The following LRRC4C variants were observed in gnomAD, a reference collection of about 807,000 sequenced individuals.
The protein encoded by LRRC4C is leucine rich repeat containing 4C.
In LRRC4C, 5 loss-of-function variants were observed where a neutral mutation model predicts 33.6. That is an observed-to-expected ratio of 0.15 (90% confidence interval 0.08 to 0.31). LRRC4C has a LOEUF of 0.31. Ranked by LOEUF, LRRC4C falls within the 10% of genes least tolerant of loss-of-function variation. LRRC4C has a pLI of 1.00. For missense variants in LRRC4C, 560 were observed against 796.7 expected (o/e 0.70, Z 3.58); for synonymous variants, 329 against 302.0 (o/e 1.09, Z -0.93).
intron 2 of LRRC4C, among the ~76,000 whole-genome samples, chr11:40,863,734 T>C (rs528640793): frequency 2.0e-4 from 30 of 152,344 alleles, no homozygotes; most frequent in African/African-American, 7.0e-4. Flanking sequence ...ATGGAAATCC[T>C]TCTTGTTGCT....
intron 2 of LRRC4C, among the ~76,000 whole-genome samples, chr11:40,927,544 C>T (rs1404749313): frequency 6.6e-6 from 1 of 152,056 alleles, no homozygotes; most frequent in Non-Finnish European, 1.5e-5. Context: ...TAAAGAATAG[C>T]TATGTGTTTC....
At chr11:41,380,625 CT>C (rs1953107938) in intron 1 of LRRC4C, among the ~76,000 whole-genome samples, 1 of 151,980 alleles carries the variant, frequency 6.6e-6, no homozygotes, top group African/African-American at 2.4e-5. Flanking sequence ...TATGGATAAG[CT>C]GGTAGAAAGG....
intron 3 of LRRC4C, among the ~76,000 whole-genome samples, chr11:40,582,736 C>T (rs532338579): frequency 6.6e-6 from 1 of 151,988 alleles, no homozygotes; most frequent in South Asian, 2.1e-4. Flanking sequence ...AGGTGGGTCT[C>T]GAACTCCTAA....
At chr11:40,807,491 CTTG>C (rs1385532483) in intron 2 of LRRC4C, among the ~76,000 whole-genome samples, 2 of 145,670 alleles carry the variant, frequency 1.4e-5, no homozygotes, top group African/African-American at 5.4e-5. Context: ...CAACATTGAC[CTTG>C]TTGTGTAAAG....
intron 3 of LRRC4C, among the ~76,000 whole-genome samples, chr11:40,448,243 C>T (rs550202992): frequency 8.3e-4 from 126 of 152,062 alleles, no homozygotes; most frequent in Middle Eastern, 3.4e-3. Context: ...TACTCTTCCT[C>T]ATTACCTTTT....
intron 5 of LRRC4C, among the ~76,000 whole-genome samples, chr11:40,202,940 C>T (rs140573992): frequency 2.2e-3 from 338 of 152,330 alleles, no homozygotes; most frequent in African/African-American, 7.8e-3. Context: ...TTGCAAGTCA[C>T]TTCAAATATT....
intron 3 of LRRC4C, among the ~76,000 whole-genome samples, chr11:40,341,988 G>T (rs1254648674): frequency 2.3e-5 from 3 of 130,814 alleles, no homozygotes; most frequent in East Asian, 2.7e-4. Context: ...TATGTTACTG[G>T]CACTTTTCTC....
At chr11:41,327,069 G>A (rs11036359) in intron 1 of LRRC4C, among the ~76,000 whole-genome samples, 27,283 of 152,146 alleles carry the variant, frequency 0.18, 2,858 homozygotes, top group East Asian at 0.45. Context: ...TGGAGGCTGA[G>A]ATACAGGAGA....
intron 1 of LRRC4C, among the ~76,000 whole-genome samples, chr11:40,966,011 T>C (rs913871520): frequency 2.0e-5 from 3 of 152,144 alleles, no homozygotes; most frequent in Admixed American, 6.6e-5. Context: ...GCATGGAATG[T>C]TCTTCCATTT....
chr11:40,388,253 T>C (rs1272487586), intron 3 of LRRC4C, among the ~76,000 whole-genome samples: 1 of 152,156 alleles, frequency 6.6e-6, no homozygotes, highest in Non-Finnish European at 1.5e-5. Context: ...CTTGCTTCAA[T>C]GGTAATTCCT....
At chr11:41,125,188 A>T (rs914100205) in intron 1 of LRRC4C, among the ~76,000 whole-genome samples, 1 of 152,186 alleles carries the variant, frequency 6.6e-6, no homozygotes, top group African/African-American at 2.4e-5. Flanking sequence ...GGCCATTAGG[A>T]TCTGAAGTGA....
intron 3 of LRRC4C, among the ~76,000 whole-genome samples, chr11:40,495,824 T>TG (rs1954413995): frequency 2.4e-5 from 1 of 41,866 alleles, no homozygotes; most frequent in Non-Finnish European, 4.7e-5. Context: ...TTTTTTTTTT[T>TG]TTTTTTTTTT....
At chr11:41,216,670 A>G (rs978677933) in intron 1 of LRRC4C, among the ~76,000 whole-genome samples, 1 of 152,170 alleles carries the variant, frequency 6.6e-6, no homozygotes, top group South Asian at 2.1e-4. Context: ...AATGTTAATT[A>G]TGGAGTGCTG....
intron 3 of LRRC4C, among the ~76,000 whole-genome samples, chr11:40,574,107 T>G (rs1958087655): frequency 6.6e-6 from 1 of 152,216 alleles, no homozygotes; most frequent in Admixed American, 6.5e-5. Context: ...TTTTTACACC[T>G]GAATGTGTTG....
At chr11:40,441,924 A>G (rs548715916) in intron 3 of LRRC4C, among the ~76,000 whole-genome samples, 1 of 152,284 alleles carries the variant, frequency 6.6e-6, no homozygotes, top group Admixed American at 6.5e-5. Context: ...GCACTTTGGG[A>G]GGCCGAGGCG....
intron 1 of LRRC4C, among the ~76,000 whole-genome samples, chr11:40,971,468 G>A (rs530038586): frequency 1.3e-5 from 2 of 152,294 alleles, no homozygotes; most frequent in East Asian, 1.9e-4. Flanking sequence ...TTAAGACTTG[G>A]GAGCCCCCAT....
chr11:41,156,229 G>A (rs981128599), intron 1 of LRRC4C, among the ~76,000 whole-genome samples: 2 of 152,016 alleles, frequency 1.3e-5, no homozygotes, highest in African/African-American at 4.8e-5. Flanking sequence ...TTATTACACT[G>A]AAAGACAACA....
chr11:41,105,394 G>T (rs112807251), intron 1 of LRRC4C, among the ~76,000 whole-genome samples: 7 of 151,830 alleles, frequency 4.6e-5, no homozygotes, highest in African/African-American at 7.3e-5. Context: ...ACATCACTAC[G>T]CACATAATCT....
chr11:40,851,916 C>T (rs1953522349), intron 2 of LRRC4C, among the ~76,000 whole-genome samples: 1 of 152,172 alleles, frequency 6.6e-6, no homozygotes. Flanking sequence ...AGTTTTTAAT[C>T]AGTATTTTCT....
Sources: allele counts gnomAD v4.1 joint callset (sites outside exome capture counted in the v4.1 genomes callset), GRCh38; gene constraint gnomAD v4.1.1; transcripts MANE v1.5; gene names NCBI Gene and HGNC (gene_info 2026-07-23, HGNC 2026-07-21).